Variants in MGAM observed in about 807,000 individuals in gnomAD.
MGAM encodes the protein alpha-1,4-glucosidase.
Under a neutral mutation model 358.8 loss-of-function variants are expected in MGAM, and 253 were observed. The observed-to-expected ratio is 0.71, with a 90% confidence interval of 0.64 to 0.78. The LOEUF (loss-of-function observed/expected upper bound fraction) is 0.78. Ranked by LOEUF, MGAM falls within the 30% of genes least tolerant of loss-of-function variation. The pLI is 0.00. For missense variants in MGAM, 3,080 were observed against 3,432.6 expected (o/e 0.90, Z 2.57); for synonymous variants, 1,105 against 1,227.1 (o/e 0.90, Z 2.08).
intron 1 of MGAM, among the ~76,000 whole-genome samples, chr7:142,000,716 A>G (rs1804664455): frequency 6.6e-6 from 1 of 152,124 alleles, no homozygotes; most frequent in African/African-American, 2.4e-5. Context: ...AAAAACCTTT[A>G]TTTGTATATA....
chr7:142,065,440 A>C lies in MGAM; in HGVS notation c.4590A>C (p.Ala1530=). 6.2e-7 allele frequency: 1 copy of C among 1,610,320 alleles called. No individual in the cohort carries two copies. Among genetic ancestry groups the C allele is most frequent in the Non-Finnish European group, 8.5e-7 (1 of 1,178,208 alleles). Residue 1530 remains alanine, a synonymous_variant, in exon 38 of 71, where the codon GCA becomes GCC. Coordinates refer to ENST00000475668, the MANE Select transcript of MGAM (RefSeq NM_001365693.1). ...AGHWLGDNTA[A]WDQLKKSIIG... is the part of the protein sequence containing the mutation. ...ATTGGCTGGGAGACAACACGGCCGC[A>C]TGGGATCAGCTGAAGAAGTCTATCA...
In MGAM at chr7:142,065,376, C is replaced by A. The variant is rs750509389; in HGVS notation, c.4526C>A (p.Thr1509Asn). 10 of 1,611,092 alleles carry A rather than the reference C, an allele frequency of 6.2e-6. No homozygotes were observed. Among genetic ancestry groups the A allele is most frequent in the Non-Finnish European group, 7.6e-6 (9 of 1,178,844 alleles). ...ACGGGACAGCGAGGGGTCGTCATCACCCGCTCCACATTTCCCTCTTCTGGC... is the reference window on the plus strand; with the variant it reads ...ACGGGACAGCGAGGGGTCGTCATCAACCGCTCCACATTTCCCTCTTCTGGC... ...EVTGQRGVVITRSTFPSSGRW... is the reference protein window; with the variant it reads ...EVTGQRGVVINRSTFPSSGRW... The change falls in exon 38 of 71, where the codon ACC becomes AAC. Residue 1509 changes from threonine (T) to asparagine (N), a missense_variant. Physicochemically the swap from Thr to Asn is moderately conservative, Grantham distance 65. Transcript: ENST00000475668.
At chr7:142,013,778 C>T (rs1455831593) in intron 3 of MGAM, among the ~76,000 whole-genome samples, 2 of 152,184 alleles carry the variant, frequency 1.3e-5, no homozygotes, top group African/African-American at 4.8e-5. Flanking sequence ...TCTGGTTCTT[C>T]TCTCTACCCA....
intron 21 of MGAM, among the ~76,000 whole-genome samples, chr7:142,046,160 TA>T (rs1487816533): frequency 2.0e-5 from 3 of 146,576 alleles, no homozygotes; most frequent in Non-Finnish European, 3.0e-5. Context: ...ATTTATATTA[TA>T]TTTTTGTTTT....
intron 3 of MGAM, among the ~76,000 whole-genome samples, chr7:142,010,968 G>C (rs1298091651): frequency 2.6e-5 from 4 of 152,150 alleles, no homozygotes; most frequent in Admixed American, 1.3e-4. Context: ...TCAAATTCCA[G>C]ATATCCAGCT....
intron 31 of MGAM, among the ~76,000 whole-genome samples, chr7:142,059,026 G>A (rs926486173): frequency 3.9e-5 from 6 of 152,194 alleles, no homozygotes; most frequent in South Asian, 2.1e-4. Context: ...CTCAAGATTC[G>A]GTATTCCAAA....
In MGAM at chr7:142,021,445, G is replaced by A. The variant is rs1554458765; in HGVS notation, c.559-141G>A. The A allele has an allele frequency of 4.8e-6, 4 of 828,184 alleles. No individual in the cohort carries two copies. In the African/African-American group the frequency reaches 5.2e-5, roughly 11 times the overall value. The allele number at this position is 828,184 out of a possible 1,614,324, so 51.3% of individuals were successfully genotyped here. A position where few individuals can be genotyped will look rare whatever the true frequency, so the allele number is the denominator to read the frequency against. On this transcript the variant is annotated intron_variant, in intron 5 of 70. Transcript: ENST00000475668. ...TTATGCCCAAAGGTGAACCATTTGA[G>A]TTTGGTAACATAATGAGTACATCTA... is the stretch of plus-strand genomic sequence containing the variant.
chr7:142,071,509 G>A (rs1813345544), intron 44 of MGAM, among the ~76,000 whole-genome samples: 3 of 145,892 alleles, frequency 2.1e-5, no homozygotes, highest in East Asian at 2.0e-4. Flanking sequence ...TTTCAAACAC[G>A]CTAACAGCCA....
chr7:142,037,645 C>G (rs1440793962), intron 18 of MGAM, among the ~76,000 whole-genome samples: 2 of 151,982 alleles, frequency 1.3e-5, no homozygotes, highest in Non-Finnish European at 2.9e-5. Flanking sequence ...GGCAGATATT[C>G]TGAAAGAGAA....
chr7:142,024,663 C>T (rs918485617), intron 7 of MGAM, among the ~76,000 whole-genome samples: 1 of 152,130 alleles, frequency 6.6e-6, no homozygotes, highest in African/African-American at 2.4e-5. Flanking sequence ...TAGACTAGAG[C>T]TCCATCTAGT....
intron 49 of MGAM, among the ~76,000 whole-genome samples, chr7:142,079,979 A>G (rs894620801): frequency 4.8e-5 from 7 of 146,428 alleles, no homozygotes; most frequent in African/African-American, 1.7e-4. Flanking sequence ...CCTCTTGACC[A>G]TACAGTAGCT....
In MGAM at chr7:142,098,524, G is replaced by A. The variant is rs1329562110; in HGVS notation, c.7749+875G>A. On this transcript the variant is annotated intron_variant, in intron 66 of 70. Transcript: ENST00000475668. ...ATCCAAGGGGATTGCAGTGAGATTA[G>A]GTGAAAACTGGAGAAGGATGTGCAT... Among the ~76,000 whole-genome samples the A allele has an allele frequency of 2.6e-5, 4 of 152,088 alleles. No homozygotes were observed. In the South Asian group the frequency reaches 8.3e-4, roughly 32 times the overall value.
intron 35 of MGAM, among the ~76,000 whole-genome samples, 177 bp from the exon 36 acceptor site, chr7:142,063,322 T>C (rs1812412052): frequency 6.6e-6 from 1 of 152,214 alleles, no homozygotes; most frequent in South Asian, 2.1e-4. Context: ...CCAGTCGTTC[T>C]GTAGGAGTGA....
At chr7:142,005,777 A>G in intron 2 of MGAM, 120 bp downstream of exon 2, 3 of 971,216 alleles carry the variant, frequency 3.1e-6, no homozygotes, top group Non-Finnish European at 4.5e-6. Flanking sequence ...GGGGGCTGTT[A>G]TATGTGTGTG....
chr7:142,062,623 G>A lies in MGAM; in HGVS notation c.4178G>A (p.Trp1393Ter). Residue 1393 changes from tryptophan to a stop codon, truncating the protein, a stop_gained, in exon 35 of 71, where the codon TGG (tryptophan) becomes TAG (stop). Coordinates refer to ENST00000475668, the MANE Select transcript of MGAM (RefSeq NM_001365693.1). LOFTEE classifies it high-confidence loss of function. ...TTTTTCCGTAATTCAACTGCCAAGTGGTGGAAGAGGGAAATAGAAGAACTA... is the reference window on the plus strand; with the variant it reads ...TTTTTCCGTAATTCAACTGCCAAGTAGTGGAAGAGGGAAATAGAAGAACTA... ...PDFFRNSTAK[W>*]WKREIEELYN... The A allele has an allele frequency of 6.2e-7, 1 of 1,612,414 alleles. No homozygotes were observed. The highest frequency in any genetic ancestry group is 8.5e-7 in the Non-Finnish European group (1 of 1,178,840).
intron 21 of MGAM, among the ~76,000 whole-genome samples, chr7:142,046,141 T>C (rs960219358): frequency 9.7e-5 from 14 of 145,062 alleles, no homozygotes; most frequent in African/African-American, 2.8e-4. Context: ...ATTTATATAT[T>C]ATATATATAT....
intron 22 of MGAM, 113 bp downstream of exon 22, chr7:142,047,986 A>G (rs1485410443): frequency 7.4e-6 from 6 of 812,844 alleles, no homozygotes; most frequent in Non-Finnish European, 1.2e-5. Flanking sequence ...CACAGTAGCA[A>G]GAGTCACTTA....
chr7:142,032,992 C>T, intron 14 of MGAM, 83 bp downstream of exon 14: 1 of 892,214 alleles, frequency 1.1e-6, no homozygotes, highest in East Asian at 2.9e-5. Context: ...AAAAATCTGG[C>T]AAGGGAATTT....
At chr7:142,090,485 T>G (rs28477143) in intron 57 of MGAM, among the ~76,000 whole-genome samples, 66,390 of 144,668 alleles carry the variant, frequency 0.46, 20,407 homozygotes, top group Middle Eastern at 0.7. Context: ...GCATGCCCAC[T>G]TCTGTCAAGA....
Sources: allele counts gnomAD v4.1 joint callset (sites outside exome capture counted in the v4.1 genomes callset), GRCh38; gene constraint gnomAD v4.1.1; transcripts MANE v1.5; gene names NCBI Gene and HGNC (gene_info 2026-07-23, HGNC 2026-07-21).